ACYP2: variants seen among roughly 807,000 people sequenced by gnomAD.
ACYP2 encodes acylphosphatase-2.
ACYP2 carries 12 observed loss-of-function variants against 11.2 expected under a neutral mutation model. That is an observed-to-expected ratio of 1.08 (90% CI 0.69 to 1.74). The LOEUF (loss-of-function observed/expected upper bound fraction) is 1.74. ACYP2 is among the 40% of genes most tolerant of loss of function. The pLI is 0.00. For missense variants in ACYP2, 134 were observed against 101.9 expected (o/e 1.31, Z -1.35); for synonymous variants, 43 against 32.2 (o/e 1.33, Z -1.13).
intron 4 of ACYP2, among the ~76,000 whole-genome samples, chr2:54,090,185 A>G (rs569114799): frequency 1.3e-5 from 2 of 151,798 alleles, no homozygotes; most frequent in East Asian, 3.9e-4. Flanking sequence ...TTCACTGTCT[A>G]ATAACTTTGA....
chr2:54,257,271 G>A (rs527872565), intron 6 of ACYP2, among the ~76,000 whole-genome samples: 2 of 152,276 alleles, frequency 1.3e-5, no homozygotes, highest in South Asian at 4.1e-4. Context: ...ATTTATATAT[G>A]CCATCCATCT....
chr2:54,219,873 GTGTGTGTGTA>G (rs1470413939), intron 6 of ACYP2, among the ~76,000 whole-genome samples: 1 of 48,018 alleles, frequency 2.1e-5, no homozygotes, highest in Non-Finnish European at 3.7e-5. Flanking sequence ...GTGTGTGTGT[GTGTGTGTGTA>G]TATATATATA....
chr2:54,297,334 CA>C (rs1344875108), intron 6 of ACYP2, among the ~76,000 whole-genome samples: 1 of 151,940 alleles, frequency 6.6e-6, no homozygotes, highest in African/African-American at 2.4e-5. Context: ...TCTCCACACA[CA>C]AAAAAATTTT....
chr2:54,064,225 C>G (rs1207702110), intron 4 of ACYP2, among the ~76,000 whole-genome samples: 1 of 152,162 alleles, frequency 6.6e-6, no homozygotes, highest in East Asian at 1.9e-4. Context: ...GGGGTCTTGG[C>G]AGGAGGCCCA....
intron 6 of ACYP2, chr2:54,255,038 C>G: frequency 6.2e-7 from 1 of 1,614,118 alleles, no homozygotes; most frequent in East Asian, 2.2e-5. Context: ...GACCAGAGGT[C>G]CTCTTTAATA....
At chr2:53,996,445 C>G (rs1166546647) in intron 2 of ACYP2, among the ~76,000 whole-genome samples, 1 of 152,010 alleles carries the variant, frequency 6.6e-6, no homozygotes, top group Non-Finnish European at 1.5e-5. Flanking sequence ...GAGGATTGGG[C>G]CAGGAGAGCC....
At chr2:54,188,727 G>A (rs1477211017) in intron 6 of ACYP2, among the ~76,000 whole-genome samples, 4 of 152,142 alleles carry the variant, frequency 2.6e-5, no homozygotes, top group Admixed American at 6.6e-5. Flanking sequence ...CCATGGGAGC[G>A]TGTTAGAAAT....
intron 6 of ACYP2, among the ~76,000 whole-genome samples, chr2:54,228,478 G>A (rs1201307780): frequency 6.6e-6 from 1 of 152,170 alleles, no homozygotes; most frequent in Non-Finnish European, 1.5e-5. Flanking sequence ...AAGGTCATAC[G>A]ATCTGTGCTA....
chr2:54,083,855 T>A (rs906147295), intron 4 of ACYP2, among the ~76,000 whole-genome samples: 1 of 152,118 alleles, frequency 6.6e-6, no homozygotes, highest in Admixed American at 6.5e-5. Context: ...CAGATCCAGG[T>A]TTCAGTTTGG....
At chr2:54,127,452 C>A (rs1680593313) in intron 4 of ACYP2, among the ~76,000 whole-genome samples, 1 of 152,128 alleles carries the variant, frequency 6.6e-6, no homozygotes, top group African/African-American at 2.4e-5. Context: ...AAAAGCTGGG[C>A]TGGGCGCAGT....
chr2:53,993,213 C>G (rs1421411962), intron 2 of ACYP2, among the ~76,000 whole-genome samples: 2 of 151,880 alleles, frequency 1.3e-5, no homozygotes, highest in Admixed American at 6.6e-5. Flanking sequence ...AAGGTTTTTG[C>G]TTTGTTTCGC....
Position 54,057,349 on chromosome 2 carries a change from C to G in ACYP2, c.266C>G (p.Thr89Arg). 1 of 397,862 alleles carries G rather than the reference C, an allele frequency of 2.5e-6. No homozygotes were observed. The highest frequency in any genetic ancestry group is 4.4e-6 in the Non-Finnish European group (1 of 225,602). 24.6% of individuals were successfully genotyped at this position (397,862 alleles called of 1,614,324 possible). A position where few individuals can be genotyped will look rare whatever the true frequency, so the allele number is the denominator to read the frequency against. The change falls in exon 4 of 7, where the codon ACA becomes AGA. Residue 89 changes from threonine (T) to arginine (R), a missense_variant. Thr to Arg is a moderately conservative substitution (Grantham distance 71). Coordinates refer to ENST00000607452, the MANE Select transcript of ACYP2 (RefSeq NM_001320586.2). Reference sequence around the variant, plus strand: ...TCATCAACTACTTTCATAAAATCAACAATTTGCTTAAGTAAGTCTTCAAAA... The same window carrying G: ...TCATCAACTACTTTCATAAAATCAAGAATTTGCTTAAGTAAGTCTTCAAAA...
intron 4 of ACYP2, among the ~76,000 whole-genome samples, chr2:54,109,094 C>T (rs760228094): frequency 6.6e-5 from 10 of 152,030 alleles, no homozygotes; most frequent in Admixed American, 6.6e-5. Context: ...AGGGTTGCCT[C>T]GAAATTTAAA....
intron 6 of ACYP2, chr2:54,254,622 C>G (rs924541264): frequency 1.0e-5 from 3 of 299,424 alleles, no homozygotes; most frequent in African/African-American, 6.5e-5. Flanking sequence ...CAAACCGAGT[C>G]CAAACAAAGG....
At chr2:54,053,645 T>C (rs760956362) in intron 3 of ACYP2, among the ~76,000 whole-genome samples, 6 of 152,184 alleles carry the variant, frequency 3.9e-5, no homozygotes, top group Non-Finnish European at 4.4e-5. Flanking sequence ...GCTGTGCAAC[T>C]TAGGAACTCC....
chr2:54,179,827 G>A (rs1033975174), intron 6 of ACYP2, among the ~76,000 whole-genome samples: 5 of 152,082 alleles, frequency 3.3e-5, no homozygotes, highest in Non-Finnish European at 5.9e-5. Flanking sequence ...CTTAACTGTC[G>A]GGGAATGCAG....
At chr2:54,026,514 A>G (rs2104550430) in intron 2 of ACYP2, among the ~76,000 whole-genome samples, 1 of 152,326 alleles carries the variant, frequency 6.6e-6, no homozygotes, top group Middle Eastern at 3.4e-3. Context: ...TCCTTAAAGA[A>G]CTAAAATTAG....
At chr2:54,283,504 A>G (rs1441025925) in intron 6 of ACYP2, among the ~76,000 whole-genome samples, 1 of 152,186 alleles carries the variant, frequency 6.6e-6, no homozygotes, top group Non-Finnish European at 1.5e-5. Context: ...AAATATTATT[A>G]AACCCATTTT....
At chr2:54,130,277 G>T (rs1680822902) in intron 4 of ACYP2, among the ~76,000 whole-genome samples, 1 of 152,132 alleles carries the variant, frequency 6.6e-6, no homozygotes, top group Non-Finnish European at 1.5e-5. Context: ...GGGGGAAGAG[G>T]ATTCAGGCAG....
Sources: allele counts gnomAD v4.1 joint callset (sites outside exome capture counted in the v4.1 genomes callset), GRCh38; gene constraint gnomAD v4.1.1; transcripts MANE v1.5; gene names NCBI Gene and HGNC (gene_info 2026-07-23, HGNC 2026-07-21).